Variants in GRM7 observed in about 807,000 individuals in gnomAD.
GRM7 encodes the protein glutamate metabotropic receptor 7.
In GRM7, 35 loss-of-function variants were observed where a neutral mutation model predicts 84.5. The ratio of observed to expected loss-of-function variants is 0.41; its 90% CI spans 0.32 to 0.55. The LOEUF (loss-of-function observed/expected upper bound fraction) is 0.55. Ranked by LOEUF, GRM7 falls within the 20% of genes least tolerant of loss-of-function variation. The pLI, the probability that GRM7 is intolerant of heterozygous loss-of-function variation, is 0.19. For synonymous variants in GRM7, 487 were observed against 455.1 expected (o/e 1.07, Z -0.89); for missense variants, 1,003 against 1,194.6 (o/e 0.84, Z 2.36).
chr3:7,127,661 T>G (rs927961289), intron 1 of GRM7, among the ~76,000 whole-genome samples: 2 of 152,206 alleles, frequency 1.3e-5, no homozygotes, highest in African/African-American at 4.8e-5. Flanking sequence ...TTGTAGTTAG[T>G]AATGTGTGGA....
At chr3:7,733,933 T>A (rs570236907) in intron 9 of GRM7, among the ~76,000 whole-genome samples, 34 of 152,332 alleles carry the variant, frequency 2.2e-4, no homozygotes, top group Non-Finnish European at 3.7e-4. Context: ...CTTAGCACAG[T>A]ACATCCTCTT....
chr3:7,009,023 A>T (rs168097), intron 1 of GRM7, among the ~76,000 whole-genome samples: 135,840 of 152,244 alleles, frequency 0.89, 62,398 homozygotes, highest in Non-Finnish European at 0.99. Context: ...CTCTTTATGA[A>T]TAGAACTAGT....
chr3:7,516,164 C>CAAAAAA (rs35256206), intron 7 of GRM7, among the ~76,000 whole-genome samples: 2 of 31,424 alleles, frequency 6.4e-5, no homozygotes, highest in Non-Finnish European at 1.1e-4. Flanking sequence ...CACCATATCT[C>CAAAAAA]AAAAAAAAAA....
chr3:7,699,412 G>A (rs1291345196), intron 9 of GRM7, among the ~76,000 whole-genome samples: 1 of 152,196 alleles, frequency 6.6e-6, no homozygotes, highest in Non-Finnish European at 1.5e-5. Context: ...CAGGGGATAT[G>A]TATTTAGAGT....
At chr3:7,229,759 A>ATATATATATATATT (rs1434216248) in intron 2 of GRM7, among the ~76,000 whole-genome samples, 4 of 30,428 alleles carry the variant, frequency 1.3e-4, no homozygotes, top group Non-Finnish European at 2.3e-4. Context: ...ATATATATAT[A>ATATATATATATATT]TTTTTTTTTT....
At chr3:7,558,899 A>C (rs965785315) in intron 7 of GRM7, among the ~76,000 whole-genome samples, 1 of 152,170 alleles carries the variant, frequency 6.6e-6, no homozygotes, top group Admixed American at 6.5e-5. Flanking sequence ...TTGTGTTCAA[A>C]TATGGCCATT....
intron 1 of GRM7, among the ~76,000 whole-genome samples, chr3:6,930,215 A>C (rs2125043879): frequency 6.6e-6 from 1 of 152,322 alleles, no homozygotes; most frequent in East Asian, 1.9e-4. Flanking sequence ...ATGTAGTATT[A>C]GAGATAATAT....
intron 1 of GRM7, among the ~76,000 whole-genome samples, chr3:7,001,614 A>G (rs547443703): frequency 2.6e-5 from 4 of 152,322 alleles, no homozygotes; most frequent in Admixed American, 2.6e-4. Flanking sequence ...AGTTGAGAAA[A>G]CAGCAAGTTA....
intron 8 of GRM7, among the ~76,000 whole-genome samples, chr3:7,648,271 G>GA (rs56866641): frequency 0.032 from 4,533 of 142,270 alleles, 173 homozygotes; most frequent in East Asian, 0.1. Context: ...GTTTTTAAAA[G>GA]AAAAAAAAAA....
chr3:7,134,768 A>C (rs917381388), intron 1 of GRM7, among the ~76,000 whole-genome samples: 1 of 152,202 alleles, frequency 6.6e-6, no homozygotes, highest in Non-Finnish European at 1.5e-5. Flanking sequence ...AGATGGGCAC[A>C]AACAGTGAGT....
intron 7 of GRM7, among the ~76,000 whole-genome samples, chr3:7,574,863 T>C (rs1694882944): frequency 6.6e-6 from 1 of 152,218 alleles, no homozygotes; most frequent in Admixed American, 6.5e-5. Flanking sequence ...TTAATTTTCC[T>C]TGGGTGTGCT....
At chr3:7,464,599 G>A (rs954639368) in intron 7 of GRM7, among the ~76,000 whole-genome samples, 1 of 151,950 alleles carries the variant, frequency 6.6e-6, no homozygotes, top group Admixed American at 6.6e-5. Context: ...GGGAGGCTGA[G>A]GTGGGCAGAT....
chr3:7,730,308 T>A (rs1214466776), intron 9 of GRM7, among the ~76,000 whole-genome samples: 1 of 152,010 alleles, frequency 6.6e-6, no homozygotes, highest in Non-Finnish European at 1.5e-5. Context: ...ACCTGGCCTG[T>A]TTTTTTGTTT....
chr3:6,955,236 A>G (rs1246339076), intron 1 of GRM7, among the ~76,000 whole-genome samples: 2 of 152,244 alleles, frequency 1.3e-5, no homozygotes, highest in East Asian at 3.9e-4. Flanking sequence ...CAGCATCATT[A>G]TTTAAGAATA....
At chr3:7,213,753 C>T (rs1017152955) in intron 2 of GRM7, among the ~76,000 whole-genome samples, 1 of 152,102 alleles carries the variant, frequency 6.6e-6, no homozygotes, top group Non-Finnish European at 1.5e-5. Context: ...GGACAAGTCA[C>T]TAGAAATGGA....
At position 7,293,956 on chromosome 3, in the gene GRM7, ATGTT is replaced by A. The variant is rs1699727162; in HGVS notation, c.737-4726_737-4723del. On this transcript the variant is annotated intron_variant, in intron 2 of 9. Coordinates refer to ENST00000357716, the MANE Select transcript of GRM7 (RefSeq NM_000844.4). ...TCCAAGAACTGATGATCAAAACAGT[ATGTT>A]TATTTCTCTTTCTCTGTTTTCCAGT... is the stretch of plus-strand genomic sequence containing the variant. Among the ~76,000 whole-genome samples, 21 of 152,310 alleles carry A rather than the reference ATGTT, an allele frequency of 1.4e-4. No homozygotes were observed. In the South Asian group the frequency reaches 4.1e-3, roughly 30 times the overall value.
At chr3:7,269,452 C>G (rs550437393) in intron 2 of GRM7, among the ~76,000 whole-genome samples, 30 of 152,262 alleles carry the variant, frequency 2.0e-4, no homozygotes, top group East Asian at 7.7e-4. Context: ...GAACCCCCCC[C>G]CCAGAGAGCA....
intron 7 of GRM7, among the ~76,000 whole-genome samples, chr3:7,575,370 A>G (rs572168545): frequency 1.3e-5 from 2 of 152,022 alleles, no homozygotes; most frequent in South Asian, 2.1e-4. Context: ...TTTCCAGCTA[A>G]CTGAAACAGT....
In GRM7 at chr3:7,618,989, T is replaced by C. The variant is rs146531401; in HGVS notation, c.2451+39632T>C. On this transcript the variant is annotated intron_variant, in intron 8 of 9. Coordinates refer to ENST00000357716, the MANE Select transcript of GRM7 (RefSeq NM_000844.4). ...AAAAGAATTTATTTTCAGAAAATAG[T>C]TCTATCTTTCTGTGGAGGGTGTATA... 1.2e-3 allele frequency among the ~76,000 whole-genome samples: 188 copies of C among 152,226 alleles called. 1 individual carries two copies. The highest frequency in any genetic ancestry group is 4.3e-3 in the African/African-American group (179 of 41,548).
Sources: gnomAD v4.1 joint callset for allele counts (sites outside exome capture counted in the v4.1 genomes callset) on GRCh38, gnomAD v4.1.1 for gene constraint, MANE v1.5 for transcripts, NCBI Gene and HGNC (gene_info 2026-07-23, HGNC 2026-07-21) for gene names.